The following NUBPL variants were observed in gnomAD, a reference collection of about 807,000 sequenced individuals.
The protein encoded by NUBPL is iron-sulfur cluster transfer protein NUBPL.
NUBPL carries 31 observed loss-of-function variants against 45.7 expected under a neutral mutation model. The observed-to-expected ratio is 0.68, with a 90% confidence interval of 0.51 to 0.92. The LOEUF is 0.92. Among genes scored for constraint, NUBPL ranks in the 40% least tolerant of loss-of-function variants. The probability of loss-of-function intolerance (pLI) is 0.00; values close to 1 mark genes in which losing one functional copy is unlikely to be tolerated. For missense variants in NUBPL, 401 were observed against 398.7 expected (o/e 1.01, Z -0.05); for synonymous variants, 144 against 140.9 (o/e 1.02, Z -0.15).
chr14:31,747,926 C>T (rs765855615), intron 6 of NUBPL, among the ~76,000 whole-genome samples: 3 of 152,016 alleles, frequency 2.0e-5, no homozygotes, highest in Non-Finnish European at 4.4e-5. Context: ...TTTTTTTATA[C>T]AGGTGTTTCT....
chr14:31,753,027 A>G (rs1457223345), intron 6 of NUBPL, among the ~76,000 whole-genome samples: 1 of 152,298 alleles, frequency 6.6e-6, no homozygotes, highest in African/African-American at 2.4e-5. Context: ...CCATGGTACA[A>G]TCATCTACCA....
chr14:31,607,818 G>T (rs2034643198), intron 4 of NUBPL, among the ~76,000 whole-genome samples: 1 of 151,942 alleles, frequency 6.6e-6, no homozygotes, highest in African/African-American at 2.4e-5. Context: ...GAGGTAGAAA[G>T]TTCATTCAAA....
At chr14:31,806,984 G>A (rs887983073) in intron 7 of NUBPL, among the ~76,000 whole-genome samples, 1 of 145,752 alleles carries the variant, frequency 6.9e-6, no homozygotes, top group Admixed American at 7.0e-5. Context: ...GTATTCCATG[G>A]TGTATATGTG....
intron 3 of NUBPL, among the ~76,000 whole-genome samples, chr14:31,586,133 A>C (rs1317473565): frequency 6.6e-6 from 1 of 152,148 alleles, no homozygotes; most frequent in African/African-American, 2.4e-5. Context: ...TATCTAAGTG[A>C]TTATGGACAA....
intron 8 of NUBPL, among the ~76,000 whole-genome samples, chr14:31,842,298 G>A (rs1286517783): frequency 3.3e-5 from 5 of 151,800 alleles, no homozygotes; most frequent in East Asian, 1.9e-4. Flanking sequence ...TGTGTGGGAC[G>A]TTCTTAAGAT....
At chr14:31,759,836 T>G (rs1355972866) in intron 6 of NUBPL, among the ~76,000 whole-genome samples, 1 of 151,376 alleles carries the variant, frequency 6.6e-6, no homozygotes, top group Non-Finnish European at 1.5e-5. Flanking sequence ...CACTTTATTA[T>G]ATAATAGGAT....
At position 31,826,225 on chromosome 14, in the gene NUBPL, A is replaced by G. The variant is rs184262421; in HGVS notation, c.608-404A>G. On this transcript the variant is annotated intron_variant, in intron 7 of 10. Coordinates refer to ENST00000281081, the MANE Select transcript of NUBPL (RefSeq NM_025152.3). ...AACCTCTGTCTCCCAGGTTCAAGTG[A>G]TTCTCCTGCCGCAGCCTCCCAAGTA... 2.7e-3 allele frequency among the ~76,000 whole-genome samples: 408 copies of G among 152,074 alleles called. 1 individual carries two copies. The highest frequency in any genetic ancestry group is 4.9e-3 in the Admixed American group (75 of 15,286).
chr14:31,819,880 C>T (rs954686497), intron 7 of NUBPL, among the ~76,000 whole-genome samples: 1 of 152,074 alleles, frequency 6.6e-6, no homozygotes, highest in Non-Finnish European at 1.5e-5. Flanking sequence ...GTGGCTCACA[C>T]CTGTTATCCC....
At chr14:31,566,322 G>T (rs2033432505) in intron 3 of NUBPL, among the ~76,000 whole-genome samples, 1 of 151,906 alleles carries the variant, frequency 6.6e-6, no homozygotes, top group Admixed American at 6.6e-5. Flanking sequence ...ATAATATTTT[G>T]GTTATGTAAA....
At position 31,735,607 on chromosome 14, in the gene NUBPL, A is replaced by T. The variant is rs377103115; in HGVS notation, c.514-52173A>T. 1.1e-4 allele frequency among the ~76,000 whole-genome samples: 17 copies of T among 152,234 alleles called. No homozygotes were observed. The South Asian group carries it at 3.5e-3, about 32-fold the overall frequency. On this transcript the variant is annotated intron_variant, in intron 6 of 10. Transcript: ENST00000281081. ...GGTGGCTCACGCCTGTAATCCCAGCACTTTGGGAGGCTGAGGCGGGCGAAT... is the reference window on the plus strand; with the variant it reads ...GGTGGCTCACGCCTGTAATCCCAGCTCTTTGGGAGGCTGAGGCGGGCGAAT...
intron 6 of NUBPL, among the ~76,000 whole-genome samples, chr14:31,712,235 C>T (rs750816639): frequency 5.3e-5 from 8 of 152,194 alleles, no homozygotes; most frequent in African/African-American, 7.2e-5. Context: ...AGACACAGAG[C>T]GCTGATTGGT....
At chr14:31,681,394 CCTT>C (rs1284756970) in intron 6 of NUBPL, among the ~76,000 whole-genome samples, 3 of 151,238 alleles carry the variant, frequency 2.0e-5, no homozygotes, top group African/African-American at 4.8e-5. Context: ...AGTGTTCCCT[CCTT>C]ATTTCTAATG....
intron 3 of NUBPL, among the ~76,000 whole-genome samples, chr14:31,583,290 G>C (rs916170748): frequency 6.6e-6 from 1 of 152,188 alleles, no homozygotes; most frequent in Non-Finnish European, 1.5e-5. Context: ...GCTGGTTTTA[G>C]CTCTTGCAGA....
In NUBPL at chr14:31,861,218, A is replaced by C. The variant is rs181594174; in HGVS notation, c.*2038A>C. 1 of 152,232 alleles carries C rather than the reference A, an allele frequency of 6.6e-6. No individual in the cohort carries two copies. Among genetic ancestry groups the C allele is most frequent in the Admixed American group, 6.5e-5 (1 of 15,286 alleles). 9.4% of individuals were successfully genotyped at this position (152,232 alleles called of 1,614,324 possible). A position where few individuals can be genotyped will look rare whatever the true frequency, so the allele number is the denominator to read the frequency against. ...CAAAATAAAAATAAAAGTTAAAAAAACACAAACTGCTATATCTGAACTGAA... is the reference window on the plus strand; with the variant it reads ...CAAAATAAAAATAAAAGTTAAAAAACCACAAACTGCTATATCTGAACTGAA... On this transcript the variant is annotated 3_prime_UTR_variant, in exon 11 of 11. Coordinates refer to ENST00000281081, the MANE Select transcript of NUBPL (RefSeq NM_025152.3).
intron 4 of NUBPL, chr14:31,668,044 T>TCAGGGACA (rs2036478856): frequency 6.6e-6 from 1 of 152,652 alleles, no homozygotes; most frequent in Non-Finnish European, 1.5e-5. Flanking sequence ...GGGACCCACT[T>TCAGGGACA]GAGGAGGCAG....
intron 7 of NUBPL, among the ~76,000 whole-genome samples, chr14:31,810,052 T>C (rs1408240010): frequency 1.3e-5 from 2 of 152,220 alleles, no homozygotes; most frequent in African/African-American, 4.8e-5. Flanking sequence ...TGGTCAATTT[T>C]GGAATAAGTG....
rs116171382 is a variant in NUBPL, at chr14:31,716,273, T to C, written c.513+42699T>C. Among the ~76,000 whole-genome samples, 989 of 152,334 alleles carry C rather than the reference T, an allele frequency of 6.5e-3. 11 individuals carry two copies. Among genetic ancestry groups the C allele is most frequent in the African/African-American group, 0.022 (927 of 41,576 alleles). ...ATAAGGGAAGGAATACACTCTATAGTAATGATAAAAAGTATACTGTAGTAA... is the reference window on the plus strand; with the variant it reads ...ATAAGGGAAGGAATACACTCTATAGCAATGATAAAAAGTATACTGTAGTAA... On this transcript the variant is annotated intron_variant, in intron 6 of 10. Transcript: ENST00000281081.
chr14:31,765,724 G>A (rs552846052), intron 6 of NUBPL, among the ~76,000 whole-genome samples: 2 of 151,762 alleles, frequency 1.3e-5, no homozygotes, highest in South Asian at 2.1e-4. Flanking sequence ...TTTTGAAAAT[G>A]TTTCTCTTTT....
chr14:31,748,732 C>T (rs1260089798), intron 6 of NUBPL, among the ~76,000 whole-genome samples: 3 of 152,074 alleles, frequency 2.0e-5, no homozygotes, highest in Non-Finnish European at 4.4e-5. Flanking sequence ...CCTGTCTCAG[C>T]CTCCTGAGTA....
Sources: allele counts gnomAD v4.1 joint callset (sites outside exome capture counted in the v4.1 genomes callset), GRCh38; gene constraint gnomAD v4.1.1; transcripts MANE v1.5; gene names NCBI Gene and HGNC (gene_info 2026-07-23, HGNC 2026-07-21).